The following IMMP2L variants were observed in gnomAD, a reference collection of about 807,000 sequenced individuals.
The protein encoded by IMMP2L is inner mitochondrial membrane peptidase subunit 2, also known as mitochondrial inner membrane protease subunit 2.
IMMP2L carries 18 observed loss-of-function variants against 19.3 expected under a neutral mutation model. That is an observed-to-expected ratio of 0.93 (90% CI 0.64 to 1.38). The LOEUF (loss-of-function observed/expected upper bound fraction) is 1.38, where lower values mean the gene tolerates loss of function less well. Among genes scored for constraint, IMMP2L ranks in the 40% most tolerant of loss-of-function variants. IMMP2L has a pLI of 0.00. For missense variants in IMMP2L, 233 were observed against 218.2 expected, an observed-to-expected ratio of 1.07 and a Z score of -0.43; for synonymous variants, 76 against 73.0, an observed-to-expected ratio of 1.04 and a Z score of -0.21.
chr7:111,519,141 G>A (rs1846124410), intron 2 of IMMP2L, among the ~76,000 whole-genome samples: 3 of 152,118 alleles, frequency 2.0e-5, no homozygotes, highest in Admixed American at 2.0e-4. Context: ...AAGGCAGTAG[G>A]AGCAATCTCT....
chr7:111,137,064 A>G (rs1802415915), intron 3 of IMMP2L, among the ~76,000 whole-genome samples: 1 of 152,132 alleles, frequency 6.6e-6, no homozygotes, highest in South Asian at 2.1e-4. Context: ...ACAAACAAAC[A>G]GAAATGCATA....
chr7:111,546,794 G>T (rs1379099957), intron 1 of IMMP2L, among the ~76,000 whole-genome samples: 2 of 152,068 alleles, frequency 1.3e-5, no homozygotes. Flanking sequence ...AGTAAATCCA[G>T]TGAATTTTGT....
intron 3 of IMMP2L, among the ~76,000 whole-genome samples, chr7:111,293,179 G>A (rs1221500840): frequency 6.6e-6 from 1 of 151,868 alleles, no homozygotes; most frequent in Non-Finnish European, 1.5e-5. Flanking sequence ...TTTCCCCAGT[G>A]TATTGATTGA....
intron 3 of IMMP2L, among the ~76,000 whole-genome samples, chr7:111,067,188 T>C (rs888746056): frequency 1.4e-4 from 22 of 152,216 alleles, no homozygotes; most frequent in African/African-American, 4.8e-4. Context: ...CAGTAAGTTA[T>C]GTGAGTCCCT....
chr7:111,505,174 G>C (rs1231566314), intron 2 of IMMP2L, among the ~76,000 whole-genome samples: 2 of 151,682 alleles, frequency 1.3e-5, no homozygotes, highest in African/African-American at 4.9e-5. Flanking sequence ...GATATGAACA[G>C]ACACTTCTCA....
chr7:111,088,747 G>A (rs1178260641), intron 3 of IMMP2L, among the ~76,000 whole-genome samples: 1 of 152,040 alleles, frequency 6.6e-6, no homozygotes, highest in Non-Finnish European at 1.5e-5. Context: ...ATATAGATGT[G>A]ATACCAAAAT....
chr7:110,819,639 T>C (rs1021813810), intron 5 of IMMP2L, among the ~76,000 whole-genome samples: 1 of 152,046 alleles, frequency 6.6e-6, no homozygotes, highest in Admixed American at 6.6e-5. Flanking sequence ...CCACACAGTA[T>C]GAATTCTTTT....
intron 5 of IMMP2L, among the ~76,000 whole-genome samples, chr7:110,765,112 A>G (rs1798578086): frequency 6.6e-6 from 1 of 152,130 alleles, no homozygotes; most frequent in Admixed American, 6.6e-5. Context: ...ATTAACCTGT[A>G]GAATAGATAG....
chr7:111,173,178 A>C (rs991416829), intron 3 of IMMP2L, among the ~76,000 whole-genome samples: 1 of 151,586 alleles, frequency 6.6e-6, no homozygotes, highest in African/African-American at 2.4e-5. Flanking sequence ...GAAGATTTTT[A>C]ATAACTTGAA....
At chr7:110,706,229 A>G (rs1430133626) in intron 5 of IMMP2L, among the ~76,000 whole-genome samples, 2 of 152,036 alleles carry the variant, frequency 1.3e-5, no homozygotes, top group African/African-American at 4.8e-5. Flanking sequence ...CAGCCTCCCA[A>G]GTAGCTGGGA....
chr7:111,022,436 T>C (rs1198338050), intron 3 of IMMP2L, among the ~76,000 whole-genome samples: 1 of 152,174 alleles, frequency 6.6e-6, no homozygotes, highest in Admixed American at 6.5e-5. Flanking sequence ...CAAGTCAATC[T>C]TTACAAGTGT....
intron 3 of IMMP2L, among the ~76,000 whole-genome samples, chr7:111,279,081 A>AT (rs1819415610): frequency 6.6e-6 from 1 of 152,218 alleles, no homozygotes; most frequent in African/African-American, 2.4e-5. Flanking sequence ...AATCACAGAC[A>AT]TTGAAAAACA....
intron 1 of IMMP2L, among the ~76,000 whole-genome samples, chr7:111,526,895 G>A (rs1846919085): frequency 6.6e-6 from 1 of 152,110 alleles, no homozygotes; most frequent in South Asian, 2.1e-4. Context: ...AGCTATCTTA[G>A]TTATAAGGTA....
chr7:111,065,836 A>T (rs1242127381), intron 3 of IMMP2L, among the ~76,000 whole-genome samples: 1 of 152,104 alleles, frequency 6.6e-6, no homozygotes, highest in East Asian at 1.9e-4. Flanking sequence ...ATACTACTTA[A>T]TAAACTCCCT....
rs192628029 is a variant in IMMP2L, at chr7:110,800,787, T to G, written c.408+85806A>C. On this transcript the variant is annotated intron_variant, in intron 5 of 5. Transcript: ENST00000405709. ...CCCTATCCAGGTTACTATTTTAAGG[T>G]TCATATACCTAGATATATAATAGAC... 2.5e-3 allele frequency among the ~76,000 whole-genome samples: 382 copies of G among 152,144 alleles called. 4 individuals carry two copies. Among genetic ancestry groups the G allele is most frequent in the African/African-American group, 8.7e-3 (360 of 41,536 alleles).
At chr7:111,139,005 T>A (rs1365698993) in intron 3 of IMMP2L, among the ~76,000 whole-genome samples, 1 of 152,180 alleles carries the variant, frequency 6.6e-6, no homozygotes, top group African/African-American at 2.4e-5. Flanking sequence ...TCAGTTGACA[T>A]GATCTTTTAA....
intron 3 of IMMP2L, among the ~76,000 whole-genome samples, chr7:111,354,729 A>T (rs1053310908): frequency 7.9e-5 from 12 of 151,874 alleles, no homozygotes; most frequent in Non-Finnish European, 1.5e-5. Context: ...TATACACAGA[A>T]ATAAGCAACT....
intron 3 of IMMP2L, among the ~76,000 whole-genome samples, chr7:111,216,193 T>G (rs1811905981): frequency 6.6e-6 from 1 of 152,140 alleles, no homozygotes. Context: ...CACTTTCCTT[T>G]GAGGAGGTCC....
chr7:110,664,052 C>T (rs1246236177), intron 5 of IMMP2L, among the ~76,000 whole-genome samples: 1 of 152,018 alleles, frequency 6.6e-6, no homozygotes, highest in Non-Finnish European at 1.5e-5. Context: ...CATACAGCTA[C>T]CAAGCGGTTA....
Sources: allele counts gnomAD v4.1 joint callset (sites outside exome capture counted in the v4.1 genomes callset), GRCh38; gene constraint gnomAD v4.1.1; transcripts MANE v1.5; gene names NCBI Gene and HGNC (gene_info 2026-07-23, HGNC 2026-07-21).